The following DIPK2A variants were observed in gnomAD, a reference collection of about 807,000 sequenced individuals.
The protein encoded by DIPK2A is Golgi Protein of 49 kDa.
DIPK2A carries 27 observed loss-of-function variants against 39.0 expected under a neutral mutation model. The ratio of observed to expected loss-of-function variants is 0.69; its 90% CI spans 0.51 to 0.96. DIPK2A has a LOEUF of 0.96. Ranked by LOEUF, DIPK2A falls within the 40% of genes least tolerant of loss-of-function variation. The probability of loss-of-function intolerance (pLI) is 0.00; values close to 1 mark genes in which losing one functional copy is unlikely to be tolerated. For missense variants in DIPK2A, 528 were observed against 571.3 expected, an observed-to-expected ratio of 0.92 and a Z score of 0.77; for synonymous variants, 298 against 240.8, an observed-to-expected ratio of 1.24 and a Z score of -2.20.
Position 143,971,973 on chromosome 3 carries a change from AGTGCGC to A in DIPK2A, c.-352_-347del, listed in dbSNP as rs200905656. The A allele has an allele frequency of 3.7e-3, 910 of 244,698 alleles. 5 individuals are homozygous for A. The highest frequency in any genetic ancestry group is 5.5e-3 in the Admixed American group (98 of 17,900). 15.2% of individuals were successfully genotyped at this position (244,698 alleles called of 1,614,324 possible). A position where few individuals can be genotyped will look rare whatever the true frequency, so the allele number is the denominator to read the frequency against. On this transcript the variant is annotated 5_prime_UTR_variant, in exon 1 of 3. Transcript: ENST00000315691. ...GCCGCAGCTCTTGTGCGAAGCCAGCAGTGCGCGTGCGCGCGGGCACGGGCGCGCGAC... is the reference window on the plus strand; with the variant it reads ...GCCGCAGCTCTTGTGCGAAGCCAGCAGTGCGCGCGGGCACGGGCGCGCGAC...
intron 1 of DIPK2A, among the ~76,000 whole-genome samples, chr3:143,982,511 C>G (rs757301009): frequency 1.3e-5 from 2 of 151,924 alleles, no homozygotes; most frequent in Non-Finnish European, 2.9e-5. Flanking sequence ...GCTTCATAAG[C>G]GAAGGAGAAA....
intron 1 of DIPK2A, among the ~76,000 whole-genome samples, chr3:143,979,983 T>G (rs911818661): frequency 6.6e-6 from 1 of 152,208 alleles, no homozygotes; most frequent in East Asian, 1.9e-4. Context: ...CTACAGTATT[T>G]GCAATGGATT....
intron 1 of DIPK2A, among the ~76,000 whole-genome samples, chr3:143,980,648 A>G (rs2087815443): frequency 6.6e-6 from 1 of 151,676 alleles, no homozygotes; most frequent in Admixed American, 6.6e-5. Flanking sequence ...TTTTTTGTAG[A>G]AATGCCAGTT....
chr3:143,989,578 T>C lies in DIPK2A; in HGVS notation c.1030T>C (p.Ser344Pro), dbSNP rs2107850134. Reference sequence around the variant, plus strand: ...TGACTGTGATAAGGAGGCTTGCTTATCATTTTCAAAAGAAATTCTTTGTGC... The same window carrying C: ...TGACTGTGATAAGGAGGCTTGCTTACCATTTTCAAAAGAAATTCTTTGTGC... ...FDDCDKEACL[S>P]FSKEILCARA... is the part of the protein sequence containing the mutation. The change falls in exon 3 of 3, where the codon TCA becomes CCA. Residue 344 changes from serine (S) to proline (P), a missense_variant. Ser to Pro is a moderately conservative substitution (Grantham distance 74). Coordinates refer to ENST00000315691, the MANE Select transcript of DIPK2A (RefSeq NM_173552.5). The C allele has an allele frequency of 6.2e-7, 1 of 1,614,216 alleles. No homozygotes were observed. The highest frequency in any genetic ancestry group is 8.5e-7 in the Non-Finnish European group (1 of 1,180,022).
chr3:143,973,085 C>T, intron 1 of DIPK2A, 96 bp downstream of exon 1: 2 of 1,433,554 alleles, frequency 1.4e-6, no homozygotes. Context: ...GCCGCCAGTT[C>T]GGACTCGGCC....
rs773898455 is a variant in DIPK2A, at chr3:143,991,728, A to T, written c.*1887A>T. On this transcript the variant is annotated 3_prime_UTR_variant, in exon 3 of 3. Transcript: ENST00000315691. ...GCAACTTTGGGAGATTTTTGAGGGG[A>T]GTGTTGAAAATTGCCAAACACTCAC... is the stretch of plus-strand genomic sequence containing the variant. 17 of 152,436 alleles carry T rather than the reference A, an allele frequency of 1.1e-4. No individual in the cohort carries two copies. Among genetic ancestry groups the T allele is most frequent in the Non-Finnish European group, 2.2e-4 (15 of 67,998 alleles). 9.4% of individuals were successfully genotyped at this position (152,436 alleles called of 1,614,324 possible).
At chr3:143,973,315 C>T (rs1035213743) in intron 1 of DIPK2A, 8 of 1,535,482 alleles carry the variant, frequency 5.2e-6, no homozygotes, top group East Asian at 4.9e-5. Context: ...GCTCTCTACC[C>T]TGCCTTTCTG....
chr3:143,986,374 C>T (rs966617885), intron 2 of DIPK2A, among the ~76,000 whole-genome samples: 9 of 152,172 alleles, frequency 5.9e-5, no homozygotes, highest in South Asian at 2.1e-4. Flanking sequence ...AAACTTTGCT[C>T]TCCATTTACT....
intron 1 of DIPK2A, among the ~76,000 whole-genome samples, chr3:143,983,147 T>C (rs2087848944): frequency 1.3e-5 from 2 of 152,152 alleles, no homozygotes; most frequent in South Asian, 4.1e-4. Flanking sequence ...TAACACCCCA[T>C]TGTCAATATT....
Position 143,989,690 on chromosome 3 carries a change from TCCTTC to T in DIPK2A, c.1143_1147del (p.Leu382Ter). The T allele has an allele frequency of 6.2e-7, 1 of 1,614,248 alleles. No homozygotes were observed. Among genetic ancestry groups the T allele is most frequent in the Non-Finnish European group, 8.5e-7 (1 of 1,180,042 alleles). On this transcript the variant is annotated frameshift_variant, in exon 3 of 3. Transcript: ENST00000315691. LOFTEE classifies it high-confidence loss of function. Reference sequence around the variant, plus strand: ...ACCTGGCGTGGCACTTCTGGAGGACTCCTTCATGATCCACCAAGTGAAATTGCCAA... The same window carrying T: ...ACCTGGCGTGGCACTTCTGGAGGACTATGATCCACCAAGTGAAATTGCCAA...
intron 2 of DIPK2A, among the ~76,000 whole-genome samples, chr3:143,987,782 T>C (rs2087924629): frequency 6.6e-6 from 1 of 151,822 alleles, no homozygotes; most frequent in Non-Finnish European, 1.5e-5. Flanking sequence ...TTAAAAGTAT[T>C]TATTGCCTTT....
intron 1 of DIPK2A, chr3:143,978,626 A>ATATATATCTATATC (rs2087770160): frequency 2.9e-5 from 1 of 33,938 alleles, no homozygotes; most frequent in Non-Finnish European, 4.8e-5. Flanking sequence ...CTATATCTAT[A>ATATATATCTATATC]TATATATATA....
At chr3:143,973,398 T>C in intron 1 of DIPK2A, 2 of 1,549,312 alleles carry the variant, frequency 1.3e-6, no homozygotes, top group Non-Finnish European at 1.7e-6. Context: ...CTAGTTCTTC[T>C]GAAGTGTTCT....
intron 2 of DIPK2A, among the ~76,000 whole-genome samples, chr3:143,987,764 C>T (rs887734089): frequency 1.3e-5 from 2 of 152,114 alleles, no homozygotes; most frequent in African/African-American, 4.8e-5. Flanking sequence ...CTTGCTTGTC[C>T]ACTGTTTTTA....
At position 143,992,255 on chromosome 3, in the gene DIPK2A, T is replaced by G. The variant is rs1243412734; in HGVS notation, c.*2414T>G. 6.6e-6 allele frequency: 1 copy of G among 152,650 alleles called. No homozygotes were observed. The highest frequency in any genetic ancestry group is 1.5e-5 in the Non-Finnish European group (1 of 68,032). 9.5% of individuals were successfully genotyped at this position (152,650 alleles called of 1,614,324 possible). A position where few individuals can be genotyped will look rare whatever the true frequency, so the allele number is the denominator to read the frequency against. On this transcript the variant is annotated 3_prime_UTR_variant, in exon 3 of 3. Coordinates refer to ENST00000315691, the MANE Select transcript of DIPK2A (RefSeq NM_173552.5). ...TGTGCATTAAAATTGTCTTTTGTAC[T>G]GTAAGTTACTGTTAATTTGAATATT...
At chr3:143,979,746 C>A (rs994878549) in intron 1 of DIPK2A, among the ~76,000 whole-genome samples, 1 of 152,018 alleles carries the variant, frequency 6.6e-6, no homozygotes, top group African/African-American at 2.4e-5. Context: ...AAAAGATAAT[C>A]TATTTCTATT....
At chr3:143,974,656 A>G (rs1031107122) in intron 1 of DIPK2A, among the ~76,000 whole-genome samples, 5 of 152,196 alleles carry the variant, frequency 3.3e-5, no homozygotes, top group African/African-American at 1.2e-4. Flanking sequence ...CTGTCTTAGT[A>G]ATATACATTT....
In DIPK2A at chr3:143,973,014, G is replaced by A. The variant is rs933141798; in HGVS notation, c.657+25G>A. 1.9e-6 allele frequency: 3 copies of A among 1,558,986 alleles called. No homozygotes were observed. In the African/African-American group the frequency reaches 4.1e-5, roughly 21 times the overall value. ...GGTAGGCGCGGAGCCAGGGCAGGGG[G>A]CGTCCTGGGAGGGGCCGCGCGTGGG... On this transcript the variant is annotated intron_variant, in intron 1 of 2. Transcript: ENST00000315691.
At chr3:143,980,163 T>C (rs1022725104) in intron 1 of DIPK2A, among the ~76,000 whole-genome samples, 1 of 152,236 alleles carries the variant, frequency 6.6e-6, no homozygotes, top group African/African-American at 2.4e-5. Context: ...CTAATCTTTA[T>C]GAACAGCTGT....
Sources: allele counts gnomAD v4.1 joint callset (sites outside exome capture counted in the v4.1 genomes callset), GRCh38; gene constraint gnomAD v4.1.1; transcripts MANE v1.5; gene names NCBI Gene and HGNC (gene_info 2026-07-23, HGNC 2026-07-21).